The following SPAG16 variants were observed in gnomAD, a reference collection of about 807,000 sequenced individuals.
The protein encoded by SPAG16 is sperm-associated antigen 16 protein.
Under a neutral mutation model 80.4 loss-of-function variants are expected in SPAG16, and 86 were observed. The observed-to-expected ratio is 1.07, with a 90% confidence interval of 0.90 to 1.28. The LOEUF is 1.28. Ranked by LOEUF, SPAG16 falls within the 50% of genes most tolerant of loss-of-function variation. The pLI is 0.00. For missense variants in SPAG16, 870 were observed against 765.3 expected (o/e 1.14, Z -1.61); for synonymous variants, 294 against 265.9 (o/e 1.11, Z -1.03).
intron 10 of SPAG16, among the ~76,000 whole-genome samples, chr2:213,712,382 G>C (rs1304144644): frequency 1.3e-5 from 2 of 152,090 alleles, no homozygotes; most frequent in African/African-American, 4.8e-5. Flanking sequence ...CAGTGTACAA[G>C]AGTGTTAAAA....
In SPAG16 at chr2:213,501,015, G is replaced by T. The variant is rs186639353; in HGVS notation, c.1070+10925G>T. Among the ~76,000 whole-genome samples, 5 of 152,278 alleles carry T rather than the reference G, an allele frequency of 3.3e-5. No homozygotes were observed. In the East Asian group the frequency reaches 9.6e-4, roughly 29 times the overall value. ...AGAGACCGTTCCCAGAGGGGAAAAA[G>T]TACCTGTATATTTCTAATCTCCTAT... On this transcript the variant is annotated intron_variant, in intron 10 of 15. Coordinates refer to ENST00000331683, the MANE Select transcript of SPAG16 (RefSeq NM_024532.5).
rs1170163816 is a variant in SPAG16, at chr2:213,576,627, G to T, written c.1070+86537G>T. On this transcript the variant is annotated intron_variant, in intron 10 of 15. Coordinates refer to ENST00000331683, the MANE Select transcript of SPAG16 (RefSeq NM_024532.5). ...AGAAAATGTGGTACATATACACCAT[G>T]GGATACTATGGAGCCATAAAAAAGA... Among the ~76,000 whole-genome samples the T allele has an allele frequency of 3.9e-5, 6 of 152,242 alleles. No homozygotes were observed. In the South Asian group the frequency reaches 1.0e-3, roughly 26 times the overall value.
chr2:213,787,559 A>G (rs1165381739), intron 10 of SPAG16, among the ~76,000 whole-genome samples: 1 of 152,112 alleles, frequency 6.6e-6, no homozygotes, highest in Non-Finnish European at 1.5e-5. Flanking sequence ...CATGTAAGTC[A>G]TGTGCCCTTT....
At chr2:214,142,581 G>A (rs1475854863) in intron 14 of SPAG16, among the ~76,000 whole-genome samples, 1 of 151,970 alleles carries the variant, frequency 6.6e-6, no homozygotes, top group Non-Finnish European at 1.5e-5. Context: ...GGTCTCCCAG[G>A]CCCCTAGTTC....
chr2:213,829,940 T>C (rs543334032), intron 10 of SPAG16, among the ~76,000 whole-genome samples: 1 of 152,226 alleles, frequency 6.6e-6, no homozygotes, highest in South Asian at 2.1e-4. Context: ...GGGGTCTCTT[T>C]TGGAGCTGTG....
chr2:213,526,168 C>T (rs939420421), intron 10 of SPAG16, among the ~76,000 whole-genome samples: 1 of 151,830 alleles, frequency 6.6e-6, no homozygotes, highest in South Asian at 2.1e-4. Context: ...CTTTATTCAC[C>T]CTCCTATGCA....
intron 9 of SPAG16, among the ~76,000 whole-genome samples, chr2:213,462,298 G>T (rs190656113): frequency 6.6e-6 from 1 of 152,320 alleles, no homozygotes; most frequent in East Asian, 1.9e-4. Flanking sequence ...GTTAATTTCA[G>T]CTGGACACTA....
intron 6 of SPAG16, among the ~76,000 whole-genome samples, chr2:213,346,387 T>C (rs1385982983): frequency 6.6e-6 from 1 of 152,224 alleles, no homozygotes; most frequent in Middle Eastern, 3.2e-3. Flanking sequence ...TTCTCCTGCC[T>C]GATTGCCCTG....
intron 15 of SPAG16, among the ~76,000 whole-genome samples, chr2:214,393,570 A>T (rs1701204374): frequency 6.6e-6 from 1 of 151,706 alleles, no homozygotes; most frequent in African/African-American, 2.4e-5. Flanking sequence ...AATATAATTA[A>T]TGAAAATAAA....
At chr2:213,663,789 TTAA>T (rs2063507476) in intron 10 of SPAG16, among the ~76,000 whole-genome samples, 1 of 152,066 alleles carries the variant, frequency 6.6e-6, no homozygotes, top group South Asian at 2.1e-4. Flanking sequence ...GAGCTATTAT[TTAA>T]TACACAAAAA....
chr2:213,736,371 G>A (rs2067282811), intron 10 of SPAG16, among the ~76,000 whole-genome samples: 1 of 151,810 alleles, frequency 6.6e-6, no homozygotes, highest in Non-Finnish European at 1.5e-5. Flanking sequence ...TCGGCTCACT[G>A]TAAACTTCAC....
intron 10 of SPAG16, among the ~76,000 whole-genome samples, chr2:213,781,409 G>A (rs1323469455): frequency 6.6e-6 from 1 of 152,054 alleles, no homozygotes; most frequent in Non-Finnish European, 1.5e-5. Context: ...AAAAGTTGAT[G>A]CCCTCTCCTA....
intron 11 of SPAG16, among the ~76,000 whole-genome samples, chr2:213,909,775 G>C (rs1296383447): frequency 6.6e-6 from 1 of 152,124 alleles, no homozygotes; most frequent in African/African-American, 2.4e-5. Flanking sequence ...TTCTTGATGT[G>C]GGCTTGTACT....
chr2:214,389,794 T>C (rs1423549442), intron 15 of SPAG16, among the ~76,000 whole-genome samples: 1 of 152,236 alleles, frequency 6.6e-6, no homozygotes, highest in Non-Finnish European at 1.5e-5. Context: ...TTTGCAAGGA[T>C]AGAAGACTAA....
chr2:214,169,580 C>T (rs554983287), intron 15 of SPAG16, among the ~76,000 whole-genome samples: 1 of 152,052 alleles, frequency 6.6e-6, no homozygotes, highest in East Asian at 1.9e-4. Flanking sequence ...TGCTGCCTTC[C>T]CTTGAGTGTA....
chr2:213,327,799 G>A (rs60144296), intron 5 of SPAG16, among the ~76,000 whole-genome samples: 11,284 of 152,100 alleles, frequency 0.074, 1,376 homozygotes, highest in African/African-American at 0.25. Context: ...CTTATTGTAG[G>A]AAGATAAATT....
chr2:214,120,466 T>A (rs867764196), intron 14 of SPAG16, among the ~76,000 whole-genome samples: 1 of 151,862 alleles, frequency 6.6e-6, no homozygotes, highest in Non-Finnish European at 1.5e-5. Context: ...TTCTATAAAT[T>A]TTGAGTGGCA....
At chr2:214,326,400 C>A (rs1053744160) in intron 15 of SPAG16, among the ~76,000 whole-genome samples, 9 of 152,150 alleles carry the variant, frequency 5.9e-5, no homozygotes, top group African/African-American at 2.2e-4. Context: ...GGACTTCTAA[C>A]CTTCAGAACT....
chr2:213,420,758 G>A (rs905778260), intron 9 of SPAG16, among the ~76,000 whole-genome samples: 2 of 152,162 alleles, frequency 1.3e-5, no homozygotes, highest in African/African-American at 4.8e-5. Context: ...GTTAGTTTTA[G>A]TAACTTTTTG....
Sources: allele counts gnomAD v4.1 joint callset (sites outside exome capture counted in the v4.1 genomes callset), GRCh38; gene constraint gnomAD v4.1.1; transcripts MANE v1.5; gene names NCBI Gene and HGNC (gene_info 2026-07-23, HGNC 2026-07-21).